Variants in UGT1A10 observed in about 807,000 individuals in gnomAD.
UGT1A10 encodes the protein UDP glucuronosyltransferase family 1 member A10.
A neutral mutation model predicts 45.8 loss-of-function variants in UGT1A10; 49 were observed. The observed-to-expected ratio is 1.07, with a 90% CI of 0.85 to 1.36. The LOEUF is 1.36. Among genes scored for constraint, UGT1A10 ranks in the 40% most tolerant of loss-of-function variants. The pLI is 0.00. For missense variants in UGT1A10, 745 were observed against 668.6 expected (o/e 1.11, Z -1.26); for synonymous variants, 284 against 249.7 (o/e 1.14, Z -1.29).
At chr2:233,731,193 A>T (rs750244105) in intron 1 of UGT1A10, among the ~76,000 whole-genome samples, 1 of 152,062 alleles carries the variant, frequency 6.6e-6, no homozygotes, top group Admixed American at 6.6e-5. Context: ...TAATTATTCA[A>T]TTATAAAATA....
At chr2:233,677,832 T>C (rs1367285816) in intron 1 of UGT1A10, among the ~76,000 whole-genome samples, 1 of 150,914 alleles carries the variant, frequency 6.6e-6, no homozygotes, top group African/African-American at 2.5e-5. Context: ...ACTAGATATA[T>C]GTAAAAAAAA....
At position 233,767,018 on chromosome 2, in the gene UGT1A10, T is replaced by G. The variant is rs1699309557; in HGVS notation, c.856-16T>G. ...TATGAGAAAAAATTAACTGAAAATT[T>G]TTCTTCTGGCTCTAGGAATTTGAAG... On this transcript the variant is annotated splice_polypyrimidine_tract_variant and intron_variant, in intron 1 of 4. Coordinates refer to ENST00000344644, the MANE Select transcript of UGT1A10 (RefSeq NM_019075.4). 1 of 1,613,912 alleles carries G rather than the reference T, an allele frequency of 6.2e-7. No individual in the cohort carries two copies. Among genetic ancestry groups the G allele is most frequent in the East Asian group, 2.2e-5 (1 of 44,862 alleles).
rs1173929998 is a variant in UGT1A10, at chr2:233,772,412, G to A, written c.1446G>A (p.Gln482=). The change falls in exon 5 of 5, where the codon CAG becomes CAA. Residue 482 remains glutamine (Q), a synonymous_variant. Transcript: ENST00000344644. The part of the protein sequence containing the change: ...RPAAHDLTWY[Q]YHSLDVIGFL... Reference sequence around the variant, plus strand: ...CAGCCCACGACCTCACCTGGTACCAGTACCATTCCTTGGACGTGATTGGTT... The same window carrying A: ...CAGCCCACGACCTCACCTGGTACCAATACCATTCCTTGGACGTGATTGGTT... 3 of 1,614,244 alleles carry A rather than the reference G, an allele frequency of 1.9e-6. No individual in the cohort carries two copies. The highest frequency in any genetic ancestry group is 1.7e-5 in the Admixed American group (1 of 60,028).
At chr2:233,738,547 G>T (rs1209764817) in intron 1 of UGT1A10, among the ~76,000 whole-genome samples, 1 of 152,216 alleles carries the variant, frequency 6.6e-6, no homozygotes, top group African/African-American at 2.4e-5. Context: ...CTGAGTCTCA[G>T]ATAGAGATGA....
chr2:233,700,502 C>T (rs956057394), intron 1 of UGT1A10, among the ~76,000 whole-genome samples: 2 of 152,038 alleles, frequency 1.3e-5, no homozygotes, highest in Non-Finnish European at 2.9e-5. Flanking sequence ...AGCCTAGAAA[C>T]TTGACTGTCT....
rs1440398648 is a variant in UGT1A10, at chr2:233,690,488, G to A, written c.855+53111G>A. 5.4e-6 allele frequency: 7 copies of A among 1,289,470 alleles called. No homozygotes were observed. In the East Asian group the frequency reaches 1.7e-4, roughly 31 times the overall value. 79.9% of individuals were successfully genotyped at this position (1,289,470 alleles called of 1,614,324 possible). A position where few individuals can be genotyped will look rare whatever the true frequency, so the allele number is the denominator to read the frequency against. ...CCTCCATTTACTTTTTGGGAAATCT[G>A]CTCTTGCCAACAGAGATTTGTTTTA... On this transcript the variant is annotated intron_variant, in intron 1 of 4. Coordinates refer to ENST00000344644, the MANE Select transcript of UGT1A10 (RefSeq NM_019075.4).
At chr2:233,713,722 C>A in intron 1 of UGT1A10, 1 of 1,613,948 alleles carries the variant, frequency 6.2e-7, no homozygotes, top group Non-Finnish European at 8.5e-7. Flanking sequence ...AGAGAGGTGT[C>A]AGTGGTGGAT....
chr2:233,754,486 C>T (rs2125926114), intron 1 of UGT1A10: 1 of 357,902 alleles, frequency 2.8e-6, no homozygotes, highest in East Asian at 7.3e-5. Context: ...CACTTTCAAT[C>T]CTAAAAAAAG....
At position 233,713,165 on chromosome 2, in the gene UGT1A10, G is replaced by A. The variant is rs28898601; in HGVS notation, c.856-53869G>A. The A allele has an allele frequency of 2.1e-4, 341 of 1,614,222 alleles. 2 individuals are homozygous for A. In the South Asian group the frequency reaches 3.5e-3, roughly 17 times the overall value. ...ACCTCCATGCGAGAGGCCACCAGGT[G>A]GTGGTCCTCACCCTGGAGGTGAATA... On this transcript the variant is annotated intron_variant, in intron 1 of 4. Transcript: ENST00000344644.
intron 1 of UGT1A10, chr2:233,729,953 T>A (rs371021401): frequency 6.2e-7 from 1 of 1,614,064 alleles, no homozygotes; most frequent in Non-Finnish European, 8.5e-7. Context: ...ATGGTCTTCA[T>A]TGGGGGCATC....
At chr2:233,692,979 C>A in intron 1 of UGT1A10, 1 of 1,612,842 alleles carries the variant, frequency 6.2e-7, no homozygotes, top group Non-Finnish European at 8.5e-7. Context: ...CTCTTTATTA[C>A]CGTTGTTACT....
chr2:233,753,553 C>A (rs768975399), intron 1 of UGT1A10: 9 of 152,144 alleles, frequency 5.9e-5, no homozygotes, highest in Non-Finnish European at 1.3e-4. Context: ...TCAGAGGTGA[C>A]CCTAGAAGAT....
chr2:233,696,212 C>G (rs558627515), intron 1 of UGT1A10, among the ~76,000 whole-genome samples: 1 of 152,314 alleles, frequency 6.6e-6, no homozygotes, highest in East Asian at 1.9e-4. Context: ...TATTATAGCA[C>G]TATTCACAGT....
At position 233,718,809 on chromosome 2, in the gene UGT1A10, G is replaced by T. The variant is rs747487357; in HGVS notation, c.856-48225G>T. The T allele has an allele frequency of 3.7e-5, 60 of 1,613,336 alleles. 1 individual carries two copies. The highest frequency in any genetic ancestry group is 1.5e-4 in the African/African-American group (11 of 75,040). On this transcript the variant is annotated intron_variant, in intron 1 of 4. Transcript: ENST00000344644. ...TGGGGTGGACAGTCAGCTGTCGGTG[G>T]CTTCTGCTGAGATGGCCAGAGGACT...
At chr2:233,690,928 C>T (rs2075021856) in intron 1 of UGT1A10, 1 of 1,021,222 alleles carries the variant, frequency 9.8e-7, no homozygotes, top group African/African-American at 1.7e-5. Context: ...TTCTTCAGCT[C>T]CTTCCTCCAA....
chr2:233,692,800 C>T (rs2075115149), intron 1 of UGT1A10: 2 of 1,393,480 alleles, frequency 1.4e-6, no homozygotes, highest in African/African-American at 2.9e-5. Flanking sequence ...GCTGACACGG[C>T]CATAGTTGGT....
chr2:233,719,465 C>T, intron 1 of UGT1A10: 3 of 1,613,994 alleles, frequency 1.9e-6, no homozygotes, highest in Non-Finnish European at 2.5e-6. Flanking sequence ...AGAACATGCT[C>T]TACCCTCTGG....
chr2:233,643,276 C>T (rs891144016), intron 1 of UGT1A10, among the ~76,000 whole-genome samples: 8 of 152,164 alleles, frequency 5.3e-5, no homozygotes, highest in Non-Finnish European at 8.8e-5. Flanking sequence ...AGATGCAGTC[C>T]TTCCCATTCT....
In UGT1A10 at chr2:233,769,947, C is replaced by T. The variant is rs202080312; in HGVS notation, c.1295+1508C>T. On this transcript the variant is annotated intron_variant, in intron 4 of 4. Coordinates refer to ENST00000344644, the MANE Select transcript of UGT1A10 (RefSeq NM_019075.4). The surrounding 1 kb of genome is among the most constrained non-coding windows in gnomAD (Gnocchi z 4.4). ...GTGTGGTCCCATTCCTTCCTTCCAG[C>T]GGCTTCTTCTGGCCACCTCAATGTC... The T allele has an allele frequency of 2.2e-5, 5 of 224,160 alleles. No homozygotes were observed. Among genetic ancestry groups the T allele is most frequent in the Non-Finnish European group, 3.5e-5 (4 of 114,192 alleles). 13.9% of individuals were successfully genotyped at this position (224,160 alleles called of 1,614,324 possible). A position where few individuals can be genotyped will look rare whatever the true frequency, so the allele number is the denominator to read the frequency against.
Sources: gnomAD v4.1 joint callset for allele counts (sites outside exome capture counted in the v4.1 genomes callset) on GRCh38, gnomAD v4.1.1 for gene constraint, Gnocchi (gnomAD v3.1) non-coding constraint, MANE v1.5 for transcripts, NCBI Gene and HGNC (gene_info 2026-07-23, HGNC 2026-07-21) for gene names.